Variants in CCDC6 observed in about 807,000 individuals in gnomAD.
The protein encoded by CCDC6 is coiled-coil domain-containing protein 6.
Under a neutral mutation model 56.6 loss-of-function variants are expected in CCDC6, and 20 were observed. That is an observed-to-expected ratio of 0.35 (90% confidence interval 0.25 to 0.51). The LOEUF (loss-of-function observed/expected upper bound fraction) is 0.51. Among genes scored for constraint, CCDC6 ranks in the 20% least tolerant of loss-of-function variants. The probability of loss-of-function intolerance (pLI) is 0.95; values close to 1 mark genes in which losing one functional copy is unlikely to be tolerated. For synonymous variants in CCDC6, 241 were observed against 234.4 expected (o/e 1.03, Z -0.26); for missense variants, 367 against 601.1 (o/e 0.61, Z 4.07).
chr10:59,858,592 G>A (rs140052168), intron 1 of CCDC6, among the ~76,000 whole-genome samples: 106 of 152,264 alleles, frequency 7.0e-4, no homozygotes, highest in African/African-American at 2.2e-3. Flanking sequence ...CCAGGTAGTC[G>A]TCACTGCCCA....
chr10:59,841,659 CTTGTTTTTTTTGT>C (rs1198841282), intron 2 of CCDC6, among the ~76,000 whole-genome samples: 2 of 151,028 alleles, frequency 1.3e-5, no homozygotes, highest in Admixed American at 6.6e-5. Flanking sequence ...GCATCCGTGT[CTTGTTTTTTTTGT>C]TTGTTTTTTT....
At chr10:59,894,372 C>A (rs1162373704) in intron 1 of CCDC6, among the ~76,000 whole-genome samples, 2 of 152,162 alleles carry the variant, frequency 1.3e-5, no homozygotes, top group Non-Finnish European at 2.9e-5. Context: ...CATTACTCAG[C>A]CCCTACTTCT....
chr10:59,829,468 G>A (rs1019743456), intron 3 of CCDC6, among the ~76,000 whole-genome samples: 5 of 152,114 alleles, frequency 3.3e-5, no homozygotes, highest in Non-Finnish European at 7.3e-5. Flanking sequence ...AAAATTATAC[G>A]TGAATGTTCA....
At chr10:59,905,526 G>T (rs1411851734) in intron 1 of CCDC6, among the ~76,000 whole-genome samples, 1 of 152,184 alleles carries the variant, frequency 6.6e-6, no homozygotes, top group Non-Finnish European at 1.5e-5. Flanking sequence ...TCCAACAGAG[G>T]TGGGAGCATT....
At chr10:59,872,220 T>C (rs889027925) in intron 1 of CCDC6, among the ~76,000 whole-genome samples, 2 of 152,230 alleles carry the variant, frequency 1.3e-5, no homozygotes, top group African/African-American at 4.8e-5. Context: ...TGCCTGACAT[T>C]CCTTCCAGTT....
At chr10:59,893,372 G>A (rs1181135124) in intron 1 of CCDC6, among the ~76,000 whole-genome samples, 1 of 152,156 alleles carries the variant, frequency 6.6e-6, no homozygotes, top group Non-Finnish European at 1.5e-5. Flanking sequence ...GCTGAGGTGG[G>A]AGTATCGCTT....
At chr10:59,885,195 T>G (rs539654979) in intron 1 of CCDC6, among the ~76,000 whole-genome samples, 22 of 152,206 alleles carry the variant, frequency 1.4e-4, no homozygotes, top group African/African-American at 5.1e-4. Flanking sequence ...TGGATACATT[T>G]GTTATATCTA....
chr10:59,866,820 C>T (rs1357713672), intron 1 of CCDC6, among the ~76,000 whole-genome samples: 1 of 152,184 alleles, frequency 6.6e-6, no homozygotes, highest in African/African-American at 2.4e-5. Flanking sequence ...CCAAAAGTCA[C>T]TAACTTCCCA....
intron 7 of CCDC6, among the ~76,000 whole-genome samples, chr10:59,795,428 A>T (rs767030093): frequency 6.6e-6 from 1 of 151,682 alleles, no homozygotes; most frequent in Non-Finnish European, 1.5e-5. Flanking sequence ...ATATCACCTC[A>T]TAACTGTTAA....
At chr10:59,825,257 T>A (rs1040543856) in intron 3 of CCDC6, among the ~76,000 whole-genome samples, 1 of 152,336 alleles carries the variant, frequency 6.6e-6, no homozygotes, top group Admixed American at 6.5e-5. Flanking sequence ...GTTTCCCCCA[T>A]AGCGTTCTTG....
chr10:59,832,452 G>T, intron 3 of CCDC6, 73 bp downstream of exon 3: 1 of 1,410,860 alleles, frequency 7.1e-7, no homozygotes, highest in Non-Finnish European at 9.7e-7. Context: ...AATTCCTCCA[G>T]GCATCTTAAA....
Position 59,794,458 on chromosome 10 carries a change from C to A in CCDC6, c.1230+15G>T. Reference sequence around the variant, plus strand: ...TCAGGAGTAAAGTGCTGCTTCCTACCCCACGGACACTTACTGTGATACCAT... The same window carrying A: ...TCAGGAGTAAAGTGCTGCTTCCTACACCACGGACACTTACTGTGATACCAT... On this transcript the variant is annotated intron_variant, in intron 8 of 8. Coordinates refer to ENST00000263102, the MANE Select transcript of CCDC6 (RefSeq NM_005436.5). The A allele has an allele frequency of 6.2e-7, 1 of 1,613,680 alleles. No individual in the cohort carries two copies. The highest frequency in any genetic ancestry group is 1.1e-5 in the South Asian group (1 of 91,000).
intron 7 of CCDC6, among the ~76,000 whole-genome samples, chr10:59,801,149 T>C (rs570565750): frequency 1.3e-5 from 2 of 152,252 alleles, no homozygotes; most frequent in East Asian, 3.9e-4. Flanking sequence ...CTGCTTTTTA[T>C]ACCCTTCTCA....
intron 4 of CCDC6, among the ~76,000 whole-genome samples, chr10:59,813,643 C>T (rs905905272): frequency 6.6e-6 from 1 of 152,180 alleles, no homozygotes; most frequent in Non-Finnish European, 1.5e-5. Flanking sequence ...TTACCTCCAT[C>T]CAGGTCTACC....
At chr10:59,856,429 A>T (rs577711016) in intron 1 of CCDC6, among the ~76,000 whole-genome samples, 2 of 152,046 alleles carry the variant, frequency 1.3e-5, no homozygotes, top group African/African-American at 2.4e-5. Flanking sequence ...CATGCATCAT[A>T]AAAAAAGTAT....
At chr10:59,873,277 G>T (rs535477398) in intron 1 of CCDC6, among the ~76,000 whole-genome samples, 1 of 152,284 alleles carries the variant, frequency 6.6e-6, no homozygotes, top group African/African-American at 2.4e-5. Context: ...AAGCTAAGAT[G>T]AGATCACTGG....
At chr10:59,885,471 C>T (rs1472585527) in intron 1 of CCDC6, among the ~76,000 whole-genome samples, 1 of 152,094 alleles carries the variant, frequency 6.6e-6, no homozygotes, top group Non-Finnish European at 1.5e-5. Context: ...CCAACATTAC[C>T]CCTTGAATTA....
At chr10:59,839,907 C>A (rs1405397252) in intron 2 of CCDC6, among the ~76,000 whole-genome samples, 1 of 152,160 alleles carries the variant, frequency 6.6e-6, no homozygotes, top group Admixed American at 6.5e-5. Context: ...CTCACTACAA[C>A]CTCCGACTCC....
chr10:59,811,584 G>A (rs925382703), intron 5 of CCDC6, among the ~76,000 whole-genome samples: 1 of 152,158 alleles, frequency 6.6e-6, no homozygotes, highest in Admixed American at 6.5e-5. Flanking sequence ...TGCATAGTAA[G>A]CGAAAAGAGA....
Sources: gnomAD v4.1 joint callset for allele counts (sites outside exome capture counted in the v4.1 genomes callset) on GRCh38, gnomAD v4.1.1 for gene constraint, MANE v1.5 for transcripts, NCBI Gene and HGNC (gene_info 2026-07-23, HGNC 2026-07-21) for gene names.